Variants in KCTD10 observed in about 807,000 individuals in gnomAD.
KCTD10 encodes BTB/POZ domain-containing adapter for CUL3-mediated RhoA degradation protein 3.
Under a neutral mutation model 34.6 loss-of-function variants are expected in KCTD10, and 13 were observed. The ratio of observed to expected loss-of-function variants is 0.38; its 90% CI spans 0.24 to 0.60. The LOEUF is 0.60. Ranked by LOEUF, KCTD10 falls within the 20% of genes least tolerant of loss-of-function variation. The pLI is 0.66. For synonymous variants in KCTD10, 156 were observed against 168.8 expected (o/e 0.92, Z 0.59); for missense variants, 256 against 420.3 (o/e 0.61, Z 3.42).
At position 109,460,579 on chromosome 12, in the gene KCTD10, GA is replaced by G; in HGVS notation, c.387+56del. 6.5e-7 allele frequency: 1 copy of G among 1,539,020 alleles called. No homozygotes were observed. The highest frequency in any genetic ancestry group is 1.2e-5 in the South Asian group (1 of 84,116). On this transcript the variant is annotated intron_variant, in intron 3 of 6. Transcript: ENST00000228495. The surrounding 1 kb of genome is among the most constrained non-coding windows in gnomAD (Gnocchi z 4.5). The stretch of plus-strand genomic sequence containing the variant: ...CCATTTTGCAGAGAGGGAAAATGAG[GA>G]AGGCAGGTAGGCTTGGTGCCTCTCC...
intron 6 of KCTD10, among the ~76,000 whole-genome samples, chr12:109,454,322 C>A (rs1872917134): frequency 6.6e-6 from 1 of 152,180 alleles, no homozygotes; most frequent in Non-Finnish European, 1.5e-5. Context: ...AGCAAGGAGA[C>A]AGAAAAACCA....
In KCTD10 at chr12:109,449,953, A is replaced by G; in HGVS notation, c.*1642T>C. On this transcript the variant is annotated 3_prime_UTR_variant, in exon 7 of 7. Transcript: ENST00000228495. The stretch of plus-strand genomic sequence containing the variant: ...AGTTTAAAAAGCATCTGCCCAATAC[A>G]CGATTTTGACATTCAGTCATGATTG... 1 of 245,344 alleles carries G rather than the reference A, an allele frequency of 4.1e-6. No homozygotes were observed. The highest frequency in any genetic ancestry group is 7.7e-6 in the Non-Finnish European group (1 of 129,356). 15.2% of individuals were successfully genotyped at this position (245,344 alleles called of 1,614,324 possible).
At chr12:109,473,151 C>T (rs960726382) in intron 1 of KCTD10, among the ~76,000 whole-genome samples, 1 of 152,170 alleles carries the variant, frequency 6.6e-6, no homozygotes, top group African/African-American at 2.4e-5. Flanking sequence ...AGTGACGGGG[C>T]CAGTGAAGGA....
chr12:109,471,530 A>C (rs1054947035), intron 1 of KCTD10, among the ~76,000 whole-genome samples: 2 of 152,224 alleles, frequency 1.3e-5, no homozygotes, highest in African/African-American at 4.8e-5. Flanking sequence ...TGCCAAACAC[A>C]AAAGAGGTCC....
intron 4 of KCTD10, 94 bp from the exon 5 acceptor site, chr12:109,457,776 A>C (rs1873099130): frequency 7.7e-7 from 1 of 1,306,254 alleles, no homozygotes; most frequent in Non-Finnish European, 1.1e-6. Flanking sequence ...CCTGCCCTGC[A>C]TCAGAAGAGG....
At chr12:109,476,858 A>G (rs1874349776) in intron 1 of KCTD10, among the ~76,000 whole-genome samples, 1 of 152,018 alleles carries the variant, frequency 6.6e-6, no homozygotes, top group Admixed American at 6.5e-5. Flanking sequence ...ATTCTCCTTC[A>G]TAATCCTCCA....
intron 1 of KCTD10, among the ~76,000 whole-genome samples, chr12:109,471,955 C>A (rs1873911388): frequency 6.6e-6 from 1 of 152,072 alleles, no homozygotes; most frequent in African/African-American, 2.4e-5. Context: ...TAATGGCATA[C>A]TTGTATAGGA....
chr12:109,451,705 C>G lies in KCTD10; in HGVS notation c.832G>C (p.Ala278Pro). 6.2e-7 allele frequency: 1 copy of G among 1,614,016 alleles called. No homozygotes were observed. The highest frequency in any genetic ancestry group is 1.1e-5 in the South Asian group (1 of 91,070). ...TCCAGGTGGTGGGAGCGCCCCGCCG[C>G]CCCGCCTGTGGCCTCCAGGAGCGCA... ...DNALLEATGG[A>P]AGRSHHLDED... Residue 278 changes from alanine to proline, a missense_variant, in exon 7 of 7, where the codon GCG becomes CCG. Ala to Pro is a conservative substitution (Grantham distance 27). This residue lies in a region of KCTD10 where 60 missense variants were observed against 89.0 expected (regional missense o/e 0.67). Coordinates refer to ENST00000228495, the MANE Select transcript of KCTD10 (RefSeq NM_031954.5). This position sits in a 1 kb window ranked among gnomAD's most constrained non-coding sequence, Gnocchi z 5.0.
At chr12:109,457,281 T>G in intron 5 of KCTD10, 1 of 201,768 alleles carries the variant, frequency 5.0e-6, no homozygotes, top group Non-Finnish European at 1.0e-5. Flanking sequence ...GGGGAAGCAA[T>G]GGTTGAGGGA....
At chr12:109,457,509 C>G in intron 5 of KCTD10, 121 bp downstream of exon 5, 1 of 779,552 alleles carries the variant, frequency 1.3e-6, no homozygotes, top group South Asian at 1.5e-5. Context: ...ACTTATCTAT[C>G]CAGGCAGAGA....
chr12:109,477,222 G>A lies in KCTD10; in HGVS notation c.3+38C>T, dbSNP rs1229192878. On this transcript the variant is annotated intron_variant, in intron 1 of 6. Transcript: ENST00000228495. ...CTGCTGCTGCCCAGCTCCCTCGGCC[G>A]CCCTCAACCCCTAGTCCATGGGCAC... is the stretch of plus-strand genomic sequence containing the variant. The A allele has an allele frequency of 3.1e-6, 5 of 1,609,874 alleles. No homozygotes were observed. The Admixed American group carries it at 6.7e-5, about 22-fold the overall frequency.
Position 109,470,298 on chromosome 12 carries a change from G to A in KCTD10, c.4-570C>T, listed in dbSNP as rs1343796857. ...CCAGCTGGCACTCCTATCACTTCCT[G>A]TAGGGAGAAGGTGTTTCTGAGGACT... On this transcript the variant is annotated intron_variant, in intron 1 of 6. Transcript: ENST00000228495. The A allele has an allele frequency of 1.6e-5, 16 of 985,048 alleles. No homozygotes were observed. In the East Asian group the frequency reaches 1.5e-3, roughly 91 times the overall value. 61.0% of individuals were successfully genotyped at this position (985,048 alleles called of 1,614,324 possible). A position where few individuals can be genotyped will look rare whatever the true frequency, so the allele number is the denominator to read the frequency against.
At chr12:109,457,398 C>A in intron 5 of KCTD10, 2 of 436,858 alleles carry the variant, frequency 4.6e-6, no homozygotes, top group South Asian at 4.8e-5. Context: ...ATATAAAAAC[C>A]ACATATTGTG....
chr12:109,476,248 C>G (rs1184783112), intron 1 of KCTD10, among the ~76,000 whole-genome samples: 1 of 152,212 alleles, frequency 6.6e-6, no homozygotes, highest in Non-Finnish European at 1.5e-5. Context: ...TTTATGCTGC[C>G]TTCTTCCCAT....
At chr12:109,457,817 G>C (rs1873101368) in intron 4 of KCTD10, 135 bp from the exon 5 acceptor site, 2 of 1,076,988 alleles carry the variant, frequency 1.9e-6, no homozygotes, top group South Asian at 1.3e-5. Flanking sequence ...GCTGGAGAGG[G>C]GGACCACATG....
chr12:109,466,254 C>T (rs1873581277), intron 2 of KCTD10, among the ~76,000 whole-genome samples: 1 of 152,152 alleles, frequency 6.6e-6, no homozygotes, highest in Non-Finnish European at 1.5e-5. Context: ...AGCCCCTCAG[C>T]AACACTCATC....
At chr12:109,474,607 T>C (rs764310740) in intron 1 of KCTD10, among the ~76,000 whole-genome samples, 1 of 152,128 alleles carries the variant, frequency 6.6e-6, no homozygotes, top group Non-Finnish European at 1.5e-5. Context: ...CCCACTATTC[T>C]AAAAAGCACT....
At chr12:109,457,763 G>A (rs1873098108) in intron 4 of KCTD10, 81 bp from the exon 5 acceptor site, 2 of 1,415,508 alleles carry the variant, frequency 1.4e-6, no homozygotes, top group South Asian at 2.3e-5. Context: ...ATAGGGCTGG[G>A]GCCCTGCCCT....
chr12:109,471,926 G>A (rs939480440), intron 1 of KCTD10, among the ~76,000 whole-genome samples: 18 of 152,070 alleles, frequency 1.2e-4, no homozygotes, highest in African/African-American at 4.3e-4. Context: ...GTAAATATGT[G>A]ATATGAAGGA....
Sources: gnomAD v4.1 joint callset for allele counts (sites outside exome capture counted in the v4.1 genomes callset) on GRCh38, gnomAD v4.1.1 for gene constraint, gnomAD v4.1.1 regional missense constraint, Gnocchi (gnomAD v3.1) non-coding constraint, MANE v1.5 for transcripts, NCBI Gene and HGNC (gene_info 2026-07-23, HGNC 2026-07-21) for gene names.